The following MYBPC2 variants were observed in gnomAD, a reference collection of about 807,000 sequenced individuals.
MYBPC2 encodes the protein myosin-binding protein C, fast-type.
A neutral mutation model predicts 137.0 loss-of-function variants in MYBPC2; 122 were observed. The observed-to-expected ratio is 0.89, with a 90% confidence interval of 0.77 to 1.03. The LOEUF (loss-of-function observed/expected upper bound fraction) is 1.03, where lower values mean the gene tolerates loss of function less well. MYBPC2 is among the 50% of genes least tolerant of loss of function. MYBPC2 has a pLI of 0.00. For synonymous variants in MYBPC2, 626 were observed against 612.3 expected (o/e 1.02, Z -0.33); for missense variants, 1,500 against 1,534.4 (o/e 0.98, Z 0.37).
At position 50,465,413 on chromosome 19, in the gene MYBPC2, TC is replaced by T. The variant is rs1286945174; in HGVS notation, c.3416-779del. On this transcript the variant is annotated intron_variant, in intron 27 of 27. Coordinates refer to ENST00000357701, the MANE Select transcript of MYBPC2 (RefSeq NM_004533.4). This position sits in a 1 kb window ranked among gnomAD's most constrained non-coding sequence, Gnocchi z 4.5. ...CTCAGCGAGGAGGCCACTAACCGTG[TC>T]CCTCAGAGCAGGATGACATCAATGT... Among the ~76,000 whole-genome samples, 1 of 152,182 alleles carries T rather than the reference TC, an allele frequency of 6.6e-6. No individual in the cohort carries two copies. Among genetic ancestry groups the T allele is most frequent in the Non-Finnish European group, 1.5e-5 (1 of 68,042 alleles).
chr19:50,455,000 C>T (rs1042526421), intron 18 of MYBPC2, 108 bp from the exon 19 acceptor site: 29 of 1,039,888 alleles, frequency 2.8e-5, no homozygotes, highest in South Asian at 5.0e-5. Context: ...TTCATGGCCT[C>T]GGACCGCCCT....
At chr19:50,449,227 T>G (rs539714477) in intron 13 of MYBPC2, among the ~76,000 whole-genome samples, 8 of 152,288 alleles carry the variant, frequency 5.3e-5, no homozygotes, top group African/African-American at 1.9e-4. Context: ...ATCTTGAGCG[T>G]GCAGGTTGGT....
intron 24 of MYBPC2, among the ~76,000 whole-genome samples, chr19:50,460,613 G>A (rs2039963321): frequency 6.6e-6 from 1 of 152,154 alleles, no homozygotes; most frequent in African/African-American, 2.4e-5. Context: ...TGTGACCCTT[G>A]TGTCTGACTT....
chr19:50,448,622 A>G (rs2463242), intron 13 of MYBPC2, among the ~76,000 whole-genome samples: 112,946 of 151,468 alleles, frequency 0.75, 43,041 homozygotes, highest in African/African-American at 0.92. Context: ...ACCACGCCTG[A>G]CTAATTTTTT....
At chr19:50,441,218 G>A (rs1296845494) in intron 8 of MYBPC2, 142 bp downstream of exon 8, 13 of 894,218 alleles carry the variant, frequency 1.5e-5, no homozygotes, top group Admixed American at 3.3e-5. Flanking sequence ...GGTGGGCCTC[G>A]GACACCAGAC....
At position 50,466,255 on chromosome 19, in the gene MYBPC2, A is replaced by G; in HGVS notation, c.*50A>G. On this transcript the variant is annotated 3_prime_UTR_variant, in exon 28 of 28. Coordinates refer to ENST00000357701, the MANE Select transcript of MYBPC2 (RefSeq NM_004533.4). The surrounding 1 kb of genome is among the most constrained non-coding windows in gnomAD (Gnocchi z 4.9). ...AATTGGTGGTGGAGTCCTGACCCCA[A>G]TCCCCAACCTCCCAGGACTGTGTTC... is the stretch of plus-strand genomic sequence containing the variant. 1.9e-6 allele frequency: 3 copies of G among 1,612,282 alleles called. No individual in the cohort carries two copies. The highest frequency in any genetic ancestry group is 2.5e-6 in the Non-Finnish European group (3 of 1,178,534).
intron 12 of MYBPC2, among the ~76,000 whole-genome samples, chr19:50,446,962 G>A (rs1203769294): frequency 1.3e-5 from 2 of 151,360 alleles, no homozygotes; most frequent in African/African-American, 2.4e-5. Context: ...GCTCCAGCCT[G>A]GGTGACAGAG....
rs768213781 is a variant in MYBPC2, at chr19:50,464,443, G to A, written c.3326G>A (p.Arg1109His). The change falls in exon 27 of 28, where the codon CGC (arginine) becomes CAC (histidine). Residue 1109 changes from arginine (R) to histidine (H), a missense_variant. Transcript: ENST00000357701. Reference protein sequence around the residue: ...YQGVLTLNIRRPSPFDAGTYT... With the variant: ...YQGVLTLNIRHPSPFDAGTYT... ...GGAGTCCTGACGCTGAACATCCGTC[G>A]CCCCTCGCCCTTCGACGCTGGGACT... The A allele has an allele frequency of 1.7e-5, 28 of 1,611,496 alleles. No individual in the cohort carries two copies. The highest frequency in any genetic ancestry group is 4.4e-5 in the South Asian group (4 of 90,350).
intron 26 of MYBPC2, among the ~76,000 whole-genome samples, chr19:50,463,583 G>A (rs1026603175): frequency 1.3e-5 from 2 of 152,118 alleles, no homozygotes; most frequent in Admixed American, 6.6e-5. Context: ...ATTCGAACAA[G>A]AAATTTCCTG....
chr19:50,445,915 C>A lies in MYBPC2; in HGVS notation c.1169C>A (p.Ser390Tyr). 6.2e-7 allele frequency: 1 copy of A among 1,609,712 alleles called. No individual in the cohort carries two copies. The highest frequency in any genetic ancestry group is 1.7e-5 in the Admixed American group (1 of 59,368). ...GGTGTGGAACTGACTCGGGAGGATTCCTTCAAGGCCCGGTACCGCTTCAAG... is the reference window on the plus strand; with the variant it reads ...GGTGTGGAACTGACTCGGGAGGATTACTTCAAGGCCCGGTACCGCTTCAAG... Reference protein sequence around the residue: ...KDGVELTREDSFKARYRFKKD... With the variant: ...KDGVELTREDYFKARYRFKKD... Residue 390 changes from serine to tyrosine, a missense_variant, in exon 12 of 28, where the codon TCC (serine) becomes TAC (tyrosine). By Grantham distance (144) the Ser-to-Tyr change is moderately radical. Transcript: ENST00000357701.
chr19:50,442,008 C>T (rs1003736786), intron 8 of MYBPC2, among the ~76,000 whole-genome samples, 173 bp from the exon 9 acceptor site: 1 of 152,172 alleles, frequency 6.6e-6, no homozygotes, highest in Admixed American at 6.6e-5. Flanking sequence ...CCCTGCCCTG[C>T]ATCACCACCA....
chr19:50,464,277 A>C, intron 26 of MYBPC2, 69 bp from the exon 27 acceptor site: 1 of 1,423,878 alleles, frequency 7.0e-7, no homozygotes, highest in South Asian at 1.4e-5. Flanking sequence ...CGGCTTCCTG[A>C]GCCCCATTTT....
At chr19:50,458,870 T>C in intron 21 of MYBPC2, 48 bp from the exon 22 acceptor site, 1 of 1,595,370 alleles carries the variant, frequency 6.3e-7, no homozygotes, top group South Asian at 1.1e-5. Flanking sequence ...GCCCCTGGAA[T>C]GCGCCCCGGC....
chr19:50,459,427 G>C, intron 23 of MYBPC2, 121 bp downstream of exon 23: 1 of 820,202 alleles, frequency 1.2e-6, no homozygotes, highest in Non-Finnish European at 1.7e-6. Context: ...GAGAGGAGGT[G>C]AGATGAGGGA....
Position 50,454,010 on chromosome 19 carries a change from C to T in MYBPC2, c.1750-10C>T, listed in dbSNP as rs2039883936. On this transcript the variant is annotated splice_polypyrimidine_tract_variant and intron_variant, in intron 16 of 27. Transcript: ENST00000357701. ...GATGGGGTGCAAGGCCATCTGGTGG[C>T]TGCGTTCAGGTATTCACGACCACCG... 1 of 1,584,036 alleles carries T rather than the reference C, an allele frequency of 6.3e-7. No individual in the cohort carries two copies. Among genetic ancestry groups the T allele is most frequent in the Non-Finnish European group, 8.6e-7 (1 of 1,166,932 alleles).
Position 50,458,733 on chromosome 19 carries a change from G to A in MYBPC2, c.2485G>A (p.Val829Ile). 2 of 1,608,594 alleles carry A rather than the reference G, an allele frequency of 1.2e-6. No homozygotes were observed. Among genetic ancestry groups the A allele is most frequent in the Non-Finnish European group, 1.7e-6 (2 of 1,179,826 alleles). Residue 829 changes from valine (V) to isoleucine (I), a missense_variant, in exon 21 of 28, where the codon GTC (valine) becomes ATC (isoleucine). By Grantham distance (29) the Val-to-Ile change is conservative. Coordinates refer to ENST00000357701, the MANE Select transcript of MYBPC2 (RefSeq NM_004533.4). Reference protein sequence around the residue: ...RSEPATLAQPVTIREIAEPPK... With the variant: ...RSEPATLAQPITIREIAEPPK... ...CGAGCCGGCCACCCTGGCCCAGCCGGTCACCATCAGGGAGATTGCGGGTGC... is the reference window on the plus strand; with the variant it reads ...CGAGCCGGCCACCCTGGCCCAGCCGATCACCATCAGGGAGATTGCGGGTGC...
chr19:50,453,234 A>T (rs533499750), intron 16 of MYBPC2, among the ~76,000 whole-genome samples: 6 of 152,010 alleles, frequency 3.9e-5, no homozygotes, highest in Admixed American at 3.9e-4. Flanking sequence ...GATTACGGGC[A>T]TGAGCTACCT....
At chr19:50,439,329 C>T (rs1008653735) in intron 7 of MYBPC2, among the ~76,000 whole-genome samples, 1 of 151,590 alleles carries the variant, frequency 6.6e-6, no homozygotes, top group African/African-American at 2.4e-5. Flanking sequence ...CCCACCCACC[C>T]TTCCACTGAC....
chr19:50,443,730 C>A lies in MYBPC2; in HGVS notation c.1047C>A (p.Val349=). 1.2e-6 allele frequency: 2 copies of A among 1,613,872 alleles called. No individual in the cohort carries two copies. Among genetic ancestry groups the A allele is most frequent in the South Asian group, 2.2e-5 (2 of 91,036 alleles). The change falls in exon 11 of 28, where the codon GTC becomes GTA. Residue 349 remains valine, a synonymous_variant. Transcript: ENST00000357701. ...LFVKEPPVLI[V]TPLEDQQVFV... is the part of the protein sequence containing the mutation. ...CCACAGAACCTCCAGTCCTAATTGT[C>A]ACACCTCTTGAGGACCAGCAGGTGT... is the stretch of plus-strand genomic sequence containing the variant.
Sources: allele counts gnomAD v4.1 joint callset (sites outside exome capture counted in the v4.1 genomes callset), GRCh38; gene constraint gnomAD v4.1.1; non-coding constraint Gnocchi (gnomAD v3.1); transcripts MANE v1.5; gene names NCBI Gene and HGNC (gene_info 2026-07-23, HGNC 2026-07-21).